Variants in GLRA3 observed in about 807,000 individuals in gnomAD.
GLRA3 encodes the protein glycine receptor alpha 3.
GLRA3 carries 44 observed loss-of-function variants against 60.4 expected under a neutral mutation model. That is an observed-to-expected ratio of 0.73 (90% confidence interval 0.57 to 0.94). GLRA3 has a LOEUF of 0.94. Ranked by LOEUF, GLRA3 falls within the 40% of genes least tolerant of loss-of-function variation. The pLI, the probability that GLRA3 is intolerant of heterozygous loss-of-function variation, is 0.00. For synonymous variants in GLRA3, 223 were observed against 192.9 expected (o/e 1.16, Z -1.29); for missense variants, 508 against 564.6 (o/e 0.90, Z 1.02).
rs553747300 is a variant in GLRA3, at chr4:174,758,035, C to T, written c.267+8928G>A. Among the ~76,000 whole-genome samples, 156 of 152,136 alleles carry T rather than the reference C, an allele frequency of 1.0e-3. 4 individuals carry two copies. The South Asian group carries it at 0.031, about 31-fold the overall frequency. ...CTTTCCCTCTCTCTTTTCCTGTACT[C>T]TCGTCCTGTAATCTCCTCATGCTGG... On this transcript the variant is annotated intron_variant, in intron 3 of 9. Coordinates refer to ENST00000274093, the MANE Select transcript of GLRA3 (RefSeq NM_006529.4).
intron 4 of GLRA3, among the ~76,000 whole-genome samples, chr4:174,725,205 A>G (rs971290008): frequency 1.8e-4 from 28 of 152,084 alleles, no homozygotes; most frequent in African/African-American, 5.8e-4. Context: ...CGGCCAATCT[A>G]TTCATCTCTG....
intron 1 of GLRA3, among the ~76,000 whole-genome samples, chr4:174,798,740 CG>C (rs1283520860): frequency 6.6e-6 from 1 of 152,018 alleles, no homozygotes; most frequent in Non-Finnish European, 1.5e-5. Context: ...CTGGCTAACA[CG>C]GTGAAACCCC....
intron 3 of GLRA3, among the ~76,000 whole-genome samples, chr4:174,766,605 T>TGTAA: frequency 6.6e-6 from 1 of 152,178 alleles, no homozygotes; most frequent in Admixed American, 6.5e-5. Context: ...TAAACAAATT[T>TGTAA]GTAAGTGGGG....
At chr4:174,678,658 C>A (rs1258807289) in intron 6 of GLRA3, among the ~76,000 whole-genome samples, 2 of 152,088 alleles carry the variant, frequency 1.3e-5, no homozygotes, top group Non-Finnish European at 1.5e-5. Flanking sequence ...AACGTGGATT[C>A]CACTCTTAAG....
chr4:174,738,487 C>G (rs1481012994), intron 3 of GLRA3, among the ~76,000 whole-genome samples: 1 of 152,140 alleles, frequency 6.6e-6, no homozygotes, highest in Non-Finnish European at 1.5e-5. Context: ...GCATTGCATA[C>G]AAATATTTGG....
chr4:174,699,601 A>T (rs1735215488), intron 5 of GLRA3, among the ~76,000 whole-genome samples: 1 of 152,110 alleles, frequency 6.6e-6, no homozygotes, highest in African/African-American at 2.4e-5. Flanking sequence ...ATAAAATTCT[A>T]TCTAAGTTAG....
chr4:174,735,770 C>T (rs2111156194), intron 3 of GLRA3, among the ~76,000 whole-genome samples: 1 of 152,216 alleles, frequency 6.6e-6, no homozygotes, highest in East Asian at 1.9e-4. Flanking sequence ...TCATGTTCGC[C>T]AGGCTGGTCT....
chr4:174,753,947 C>A lies in GLRA3; in HGVS notation c.267+13016G>T, dbSNP rs140459061. On this transcript the variant is annotated intron_variant, in intron 3 of 9. Coordinates refer to ENST00000274093, the MANE Select transcript of GLRA3 (RefSeq NM_006529.4). ...TTATAGAGGTCTGTGCCTGACGACT[C>A]TCTCTCAGGATACAGATTTTTTTTT... Among the ~76,000 whole-genome samples the A allele has an allele frequency of 5.0e-3, 753 of 151,068 alleles. 3 individuals are homozygous for A. Among genetic ancestry groups the A allele is most frequent in the Middle Eastern group, 0.017 (5 of 292 alleles).
chr4:174,650,894 A>G (rs1381870526), intron 9 of GLRA3, among the ~76,000 whole-genome samples: 3 of 152,206 alleles, frequency 2.0e-5, no homozygotes, highest in Non-Finnish European at 1.5e-5. Flanking sequence ...CTGAGTATCA[A>G]CAAGAGAAAA....
At chr4:174,677,772 T>C (rs1025134189) in intron 6 of GLRA3, among the ~76,000 whole-genome samples, 2 of 152,228 alleles carry the variant, frequency 1.3e-5, no homozygotes, top group Non-Finnish European at 2.9e-5. Context: ...AGAAGCAATG[T>C]AGTAAAGAGA....
At chr4:174,697,786 A>C (rs529917245) in intron 5 of GLRA3, among the ~76,000 whole-genome samples, 1 of 152,308 alleles carries the variant, frequency 6.6e-6, no homozygotes, top group Admixed American at 6.5e-5. Context: ...ATATTTCTCA[A>C]AACTTCACAA....
At chr4:174,774,476 T>TCAAAGTAAA (rs75660314) in intron 2 of GLRA3, among the ~76,000 whole-genome samples, 111,179 of 151,640 alleles carry the variant, frequency 0.73, 41,050 homozygotes, top group East Asian at 0.99. Context: ...AATCAGGTAA[T>TCAAAGTAAA]CATAACCTGT....
intron 5 of GLRA3, among the ~76,000 whole-genome samples, chr4:174,691,411 C>G (rs1012469585): frequency 9.4e-4 from 143 of 152,238 alleles, no homozygotes; most frequent in African/African-American, 3.3e-3. Context: ...CCCTCTCCCT[C>G]TCTTTCCACG....
At chr4:174,646,273 C>T (rs548826936) in intron 9 of GLRA3, among the ~76,000 whole-genome samples, 1 of 152,296 alleles carries the variant, frequency 6.6e-6, no homozygotes, top group South Asian at 2.1e-4. Context: ...ACCTTAGCTG[C>T]TCATCTCAAA....
intron 5 of GLRA3, among the ~76,000 whole-genome samples, chr4:174,708,218 CA>C (rs1214440067): frequency 6.6e-6 from 1 of 151,956 alleles, no homozygotes; most frequent in Non-Finnish European, 1.5e-5. Context: ...AAAATAATTG[CA>C]AAAAATCATC....
At chr4:174,662,043 G>A (rs1428561905) in intron 7 of GLRA3, among the ~76,000 whole-genome samples, 2 of 152,156 alleles carry the variant, frequency 1.3e-5, no homozygotes, top group Non-Finnish European at 2.9e-5. Flanking sequence ...TCATATCTGT[G>A]TATATGTCCA....
rs1173814584 is a variant in GLRA3, at chr4:174,772,471, G to GGTTCCCATTTGACTATTTACT, written c.200-5442_200-5441insAGTAAATAGTCAAATGGGAAC. The stretch of plus-strand genomic sequence containing the variant: ...GGTTCCCATTTGACTATTTACTTGT[G>GGTTCCCATTTGACTATTTACT]TATATATTTTCTTCTTCAGCAGAAA... On this transcript the variant is annotated intron_variant, in intron 2 of 9. Transcript: ENST00000274093. Among the ~76,000 whole-genome samples the GGTTCCCATTTGACTATTTACT allele has an allele frequency of 6.4e-4, 98 of 152,062 alleles. 1 individual carries two copies. Among genetic ancestry groups the GGTTCCCATTTGACTATTTACT allele is most frequent in the Non-Finnish European group, 1.3e-3 (87 of 68,012 alleles).
intron 1 of GLRA3, among the ~76,000 whole-genome samples, chr4:174,789,324 C>T (rs577253575): frequency 1.1e-3 from 169 of 152,290 alleles, no homozygotes; most frequent in African/African-American, 3.9e-3. Flanking sequence ...GAACTACAAT[C>T]TTATTGCTTT....
In GLRA3 at chr4:174,789,683, T is replaced by G. The variant is rs530575153; in HGVS notation, c.72-740A>C. ...CCACTTATCCTAGAAACCCATAGTG[T>G]AGGCTGCTTCTCCTGTCCAGCTCTT... is the stretch of plus-strand genomic sequence containing the variant. On this transcript the variant is annotated intron_variant, in intron 1 of 9. Coordinates refer to ENST00000274093, the MANE Select transcript of GLRA3 (RefSeq NM_006529.4). Among the ~76,000 whole-genome samples the G allele has an allele frequency of 2.0e-5, 3 of 152,344 alleles. No homozygotes were observed. In the South Asian group the frequency reaches 6.2e-4, roughly 32 times the overall value.
Sources: gnomAD v4.1 joint callset for allele counts (sites outside exome capture counted in the v4.1 genomes callset) on GRCh38, gnomAD v4.1.1 for gene constraint, MANE v1.5 for transcripts, NCBI Gene and HGNC (gene_info 2026-07-23, HGNC 2026-07-21) for gene names.